Variants in C1QTNF7 observed in about 807,000 individuals in gnomAD.
C1QTNF7 encodes complement C1q tumor necrosis factor-related protein 7.
Under a neutral mutation model 19.6 loss-of-function variants are expected in C1QTNF7, and 15 were observed. The ratio of observed to expected loss-of-function variants is 0.76; its 90% CI spans 0.51 to 1.18. The LOEUF is 1.18. Among genes scored for constraint, C1QTNF7 ranks in the 50% most tolerant of loss-of-function variants. The pLI, the probability that C1QTNF7 is intolerant of heterozygous loss-of-function variation, is 0.00. For missense variants in C1QTNF7, 324 were observed against 359.7 expected (o/e 0.90, Z 0.80); for synonymous variants, 142 against 137.5 (o/e 1.03, Z -0.23).
At chr4:15,401,334 C>G (rs1291956714) in intron 1 of C1QTNF7, among the ~76,000 whole-genome samples, 2 of 152,136 alleles carry the variant, frequency 1.3e-5, no homozygotes, top group Non-Finnish European at 1.5e-5. Context: ...GCCACACTGG[C>G]CTCCCGGACA....
At chr4:15,397,746 A>G (rs1390172106) in intron 1 of C1QTNF7, among the ~76,000 whole-genome samples, 1 of 152,222 alleles carries the variant, frequency 6.6e-6, no homozygotes, top group African/African-American at 2.4e-5. Context: ...AAAGAGCAAC[A>G]TTCTATGCAC....
At chr4:15,373,281 A>G (rs1015491746) in intron 1 of C1QTNF7, among the ~76,000 whole-genome samples, 1 of 152,174 alleles carries the variant, frequency 6.6e-6, no homozygotes, top group Non-Finnish European at 1.5e-5. Flanking sequence ...AAAAGGGCTT[A>G]GCTATCTCCT....
chr4:15,357,291 G>A (rs34674069), intron 1 of C1QTNF7, among the ~76,000 whole-genome samples: 71,747 of 151,972 alleles, frequency 0.47, 18,174 homozygotes, highest in African/African-American at 0.65. Flanking sequence ...TAAGGAAGGC[G>A]TCCAGTTTCA....
intron 1 of C1QTNF7, among the ~76,000 whole-genome samples, chr4:15,430,569 A>G (rs577474215): frequency 1.3e-5 from 2 of 152,342 alleles, no homozygotes; most frequent in African/African-American, 4.8e-5. Flanking sequence ...ATAGTCTTTA[A>G]TTGGATTGTG....
At position 15,442,913 on chromosome 4, in the gene C1QTNF7, G is replaced by T. The variant is rs1351774479; in HGVS notation, c.*114G>T. Reference sequence around the variant, plus strand: ...CCACTCAGATTCTAAAGCATTTAAAGACAATTCTAGCAGAATTTATCAAAA... The same window carrying T: ...CCACTCAGATTCTAAAGCATTTAAATACAATTCTAGCAGAATTTATCAAAA... On this transcript the variant is annotated 3_prime_UTR_variant, in exon 3 of 3. Transcript: ENST00000444304. The T allele has an allele frequency of 8.8e-7, 1 of 1,140,376 alleles. No homozygotes were observed. Among genetic ancestry groups the T allele is most frequent in the East Asian group, 2.4e-5 (1 of 40,852 alleles). 70.6% of individuals were successfully genotyped at this position (1,140,376 alleles called of 1,614,324 possible). A position where few individuals can be genotyped will look rare whatever the true frequency, so the allele number is the denominator to read the frequency against.
chr4:15,416,028 G>A (rs1479438391), intron 1 of C1QTNF7, among the ~76,000 whole-genome samples: 1 of 152,016 alleles, frequency 6.6e-6, no homozygotes, highest in Non-Finnish European at 1.5e-5. Context: ...TTTAAAAATT[G>A]TTGTCTTCAA....
intron 1 of C1QTNF7, among the ~76,000 whole-genome samples, chr4:15,417,149 AT>A (rs1347562483): frequency 6.6e-6 from 1 of 152,192 alleles, no homozygotes; most frequent in Non-Finnish European, 1.5e-5. Context: ...TACTTTTAAA[AT>A]TTTTTTATTG....
intron 1 of C1QTNF7, among the ~76,000 whole-genome samples, chr4:15,394,839 C>G (rs1718723224): frequency 1.3e-5 from 2 of 152,018 alleles, no homozygotes; most frequent in African/African-American, 4.8e-5. Context: ...CCCCAAGTGC[C>G]TTAGGATAGA....
intron 1 of C1QTNF7, among the ~76,000 whole-genome samples, chr4:15,412,649 G>A (rs1719445657): frequency 6.6e-6 from 1 of 152,150 alleles, no homozygotes. Flanking sequence ...GTCTCACCAC[G>A]TATGGTAAAC....
At chr4:15,344,447 A>G (rs971393498) in intron 1 of C1QTNF7, among the ~76,000 whole-genome samples, 7 of 152,314 alleles carry the variant, frequency 4.6e-5, no homozygotes, top group African/African-American at 1.4e-4. Context: ...GACCCAATTA[A>G]CATCAAGACT....
At chr4:15,409,666 G>A (rs939937622) in intron 1 of C1QTNF7, among the ~76,000 whole-genome samples, 1 of 152,294 alleles carries the variant, frequency 6.6e-6, no homozygotes, top group African/African-American at 2.4e-5. Flanking sequence ...TGAGCTCCTG[G>A]AGGAGACAGT....
intron 1 of C1QTNF7, among the ~76,000 whole-genome samples, chr4:15,385,305 G>A (rs1230725192): frequency 6.6e-6 from 1 of 152,164 alleles, no homozygotes; most frequent in Admixed American, 6.5e-5. Context: ...CATGTCAGAA[G>A]GACCACAGAA....
At chr4:15,365,056 T>C (rs1425048722) in intron 1 of C1QTNF7, among the ~76,000 whole-genome samples, 3 of 152,138 alleles carry the variant, frequency 2.0e-5, no homozygotes, top group Non-Finnish European at 4.4e-5. Flanking sequence ...GCAGGGTTTT[T>C]CCTCTTGCTT....
In C1QTNF7 at chr4:15,442,538, T is replaced by C; in HGVS notation, c.609T>C (p.Asn203=). 6 of 1,614,198 alleles carry C rather than the reference T, an allele frequency of 3.7e-6. No individual in the cohort carries two copies. The highest frequency in any genetic ancestry group is 4.2e-6 in the Non-Finnish European group (5 of 1,180,032). The part of the protein sequence containing the change: ...YYFSYDITLA[N]KHLAIGLVHN... ...TTTCTTATGATATCACATTGGCTAA[T>C]AAGCATCTGGCAATCGGACTGGTAC... The change falls in exon 3 of 3, where the codon AAT becomes AAC. Residue 203 remains asparagine (N), a synonymous_variant. Coordinates refer to ENST00000444304, the MANE Select transcript of C1QTNF7 (RefSeq NM_031911.5).
At chr4:15,355,502 C>T (rs1233220555) in intron 1 of C1QTNF7, among the ~76,000 whole-genome samples, 1 of 152,042 alleles carries the variant, frequency 6.6e-6, no homozygotes, top group Non-Finnish European at 1.5e-5. Flanking sequence ...TGAGATCGTG[C>T]ACGGTGAAAC....
intron 1 of C1QTNF7, among the ~76,000 whole-genome samples, chr4:15,358,990 A>C (rs1717244174): frequency 6.6e-6 from 1 of 152,118 alleles, no homozygotes; most frequent in Non-Finnish European, 1.5e-5. Flanking sequence ...GCATTTTTGC[A>C]TTTGTGTTTT....
intron 1 of C1QTNF7, among the ~76,000 whole-genome samples, chr4:15,413,431 A>T (rs1719477481): frequency 6.6e-6 from 1 of 152,234 alleles, no homozygotes; most frequent in Non-Finnish European, 1.5e-5. Flanking sequence ...AACCACTTGC[A>T]ACATGGATGA....
upstream of C1QTNF7, among the ~76,000 whole-genome samples, chr4:15,424,724 T>C (rs548738342): frequency 2.6e-5 from 4 of 152,340 alleles, no homozygotes; most frequent in African/African-American, 9.6e-5. Flanking sequence ...CTTCAACCAC[T>C]AATCTTTTCT....
intron 1 of C1QTNF7, chr4:15,373,715 T>A (rs1717817185): frequency 6.6e-6 from 1 of 152,250 alleles, no homozygotes; most frequent in East Asian, 1.9e-4. Flanking sequence ...ATATGCTGTA[T>A]ACCCTTTCAT....
Sources: allele counts gnomAD v4.1 joint callset (sites outside exome capture counted in the v4.1 genomes callset), GRCh38; gene constraint gnomAD v4.1.1; transcripts MANE v1.5; gene names NCBI Gene and HGNC (gene_info 2026-07-23, HGNC 2026-07-21).